NCEH1: variants seen among roughly 807,000 people sequenced by gnomAD.
NCEH1 encodes the protein 2-acetyl MAGE hydrolase.
NCEH1 carries 9 observed loss-of-function variants against 25.4 expected under a neutral mutation model. The observed-to-expected ratio is 0.35, with a 90% confidence interval of 0.21 to 0.62. The LOEUF is 0.62. Ranked by LOEUF, NCEH1 falls within the 20% of genes least tolerant of loss-of-function variation. NCEH1 has a pLI of 0.72. For synonymous variants in NCEH1, 200 were observed against 199.8 expected (o/e 1.00, Z -0.01); for missense variants, 412 against 501.1 (o/e 0.82, Z 1.70).
At chr3:172,682,176 T>C (rs2108521472) in intron 1 of NCEH1, among the ~76,000 whole-genome samples, 1 of 152,316 alleles carries the variant, frequency 6.6e-6, no homozygotes, top group South Asian at 2.1e-4. Context: ...CACTTCAAGT[T>C]CTGAAGAAGG....
rs1716587650 is a variant in NCEH1, at chr3:172,636,097, C to T, written c.438-10G>A. ...TGGAACTAGCCTGTATCTGTAAAAACAAAAGTTGTATTCATTTAAGGCCTT... is the reference window on the plus strand; with the variant it reads ...TGGAACTAGCCTGTATCTGTAAAAATAAAAGTTGTATTCATTTAAGGCCTT... On this transcript the variant is annotated splice_polypyrimidine_tract_variant and intron_variant, in intron 3 of 4. Transcript: ENST00000475381. 6.2e-7 allele frequency: 1 copy of T among 1,607,006 alleles called. No homozygotes were observed. The highest frequency in any genetic ancestry group is 8.5e-7 in the Non-Finnish European group (1 of 1,175,404).
rs540210227 is a variant in NCEH1 at position 172,682,829 on chromosome 3, G to T, written c.138+28018C>A. On this transcript the variant is annotated intron_variant, in intron 1 of 4. Coordinates refer to ENST00000475381, the MANE Select transcript of NCEH1 (RefSeq NM_020792.6). The stretch of plus-strand genomic sequence containing the variant: ...ATGCAGCAAATTCTCTAAAGCAGGT[G>T]CATCCCATGTTGTTATGTAGTTTGA... Among the ~76,000 whole-genome samples, 424 of 152,290 alleles carry T rather than the reference G, an allele frequency of 2.8e-3. 3 individuals carry two copies. Among genetic ancestry groups the T allele is most frequent in the African/African-American group, 9.9e-3 (410 of 41,554 alleles).
chr3:172,668,185 G>C (rs1465867628), intron 1 of NCEH1, among the ~76,000 whole-genome samples: 1 of 152,086 alleles, frequency 6.6e-6, no homozygotes, highest in Non-Finnish European at 1.5e-5. Context: ...GATAATTTCA[G>C]AGATGAGCAA....
intron 1 of NCEH1, among the ~76,000 whole-genome samples, chr3:172,651,332 T>C (rs1717395050): frequency 1.3e-5 from 2 of 152,216 alleles, no homozygotes; most frequent in Admixed American, 1.3e-4. Flanking sequence ...TGCATGTCTA[T>C]ATGATATCAA....
At chr3:172,677,879 G>A (rs1258093900) in intron 1 of NCEH1, among the ~76,000 whole-genome samples, 3 of 152,278 alleles carry the variant, frequency 2.0e-5, no homozygotes, top group African/African-American at 7.2e-5. Flanking sequence ...AGTGAGCTGA[G>A]ATCGTGCCAC....
chr3:172,669,152 A>C lies in NCEH1; in HGVS notation c.139-21038T>G, dbSNP rs1718365418. 2.0e-5 allele frequency among the ~76,000 whole-genome samples: 3 copies of C among 152,184 alleles called. No individual in the cohort carries two copies. In the South Asian group the frequency reaches 6.2e-4, roughly 31 times the overall value. On this transcript the variant is annotated intron_variant, in intron 1 of 4. Coordinates refer to ENST00000475381, the MANE Select transcript of NCEH1 (RefSeq NM_020792.6). ...TCTTTGAGACACTGAATTAACACCA[A>C]CGTTTTGATTCAACTTCTCATTTTG...
At chr3:172,644,145 A>AGTGACTCTAGGGCTTTGGG (rs1560181462) in intron 3 of NCEH1, among the ~76,000 whole-genome samples, 143 of 83,688 alleles carry the variant, frequency 1.7e-3, no homozygotes, top group African/African-American at 4.3e-3. Flanking sequence ...AGGGCTTTTG[A>AGTGACTCTAGGGCTTTGGG]GTGACTCTAG....
chr3:172,698,877 C>G (rs565623713), intron 1 of NCEH1, among the ~76,000 whole-genome samples: 23 of 152,294 alleles, frequency 1.5e-4, no homozygotes, highest in Admixed American at 1.4e-3. Context: ...GCGACAGACG[C>G]GGTAACACAG....
chr3:172,684,652 G>A (rs1455038521), intron 1 of NCEH1, among the ~76,000 whole-genome samples: 1 of 152,178 alleles, frequency 6.6e-6, no homozygotes, highest in East Asian at 1.9e-4. Flanking sequence ...AATCCTAGTA[G>A]TTGGAATTCA....
intron 1 of NCEH1, among the ~76,000 whole-genome samples, chr3:172,665,723 C>T (rs1222852576): frequency 6.6e-6 from 1 of 152,186 alleles, no homozygotes; most frequent in African/African-American, 2.4e-5. Flanking sequence ...GCTGCTGCCT[C>T]GCAGTTTGAT....
At chr3:172,709,321 ATTG>A (rs1714178021) in intron 1 of NCEH1, among the ~76,000 whole-genome samples, 1 of 152,188 alleles carries the variant, frequency 6.6e-6, no homozygotes, top group Non-Finnish European at 1.5e-5. Flanking sequence ...TGTTTAAGTT[ATTG>A]TAGTAGACCA....
intron 1 of NCEH1, among the ~76,000 whole-genome samples, chr3:172,657,736 C>T (rs1717767579): frequency 6.6e-6 from 1 of 152,220 alleles, no homozygotes; most frequent in African/African-American, 2.4e-5. Context: ...CTAAAGTTGG[C>T]ATTCCAGTCT....
chr3:172,647,996 TC>T lies in NCEH1; in HGVS notation c.256del (p.Asp86ThrfsTer20). 6.2e-7 allele frequency: 1 copy of T among 1,614,184 alleles called. No homozygotes were observed. Among genetic ancestry groups the T allele is most frequent in the Non-Finnish European group, 8.5e-7 (1 of 1,180,038 alleles). Reference protein sequence around the residue: ...SSAQVKVTDTDFDGVEVRVFE... With the variant: ...SSAQVKVTDTXFDGVEVRVFE... Reference sequence around the variant, plus strand: ...CACTCTGACTTCCACACCATCAAAGTCTGTGTCGGTCACCTTCACTTGGGCA... The same window carrying T: ...CACTCTGACTTCCACACCATCAAAGTTGTGTCGGTCACCTTCACTTGGGCA... On this transcript the variant is annotated frameshift_variant, in exon 2 of 5. Transcript: ENST00000475381. LOFTEE classifies it high-confidence loss of function.
chr3:172,689,897 TTTTA>T (rs1265927894), intron 1 of NCEH1, among the ~76,000 whole-genome samples: 20 of 145,122 alleles, frequency 1.4e-4, no homozygotes, highest in Non-Finnish European at 2.3e-4. Flanking sequence ...TTTTTTATTA[TTTTA>T]TTTATTTATT....
chr3:172,710,509 G>A (rs959430065), intron 1 of NCEH1, among the ~76,000 whole-genome samples: 2 of 152,250 alleles, frequency 1.3e-5, no homozygotes, highest in African/African-American at 4.8e-5. Context: ...GTGAAGAAGG[G>A]TGGTTTATAA....
At chr3:172,653,767 T>G (rs144322433) in intron 1 of NCEH1, among the ~76,000 whole-genome samples, 7,754 of 84,526 alleles carry the variant, frequency 0.092, 272 homozygotes, top group Admixed American at 0.13. Flanking sequence ...TTTGTTTTTT[T>G]TTTTTTTTGA....
At chr3:172,646,203 T>C (rs1475862386) in intron 2 of NCEH1, among the ~76,000 whole-genome samples, 1 of 152,076 alleles carries the variant, frequency 6.6e-6, no homozygotes, top group Non-Finnish European at 1.5e-5. Context: ...AAATTTTTTT[T>C]AATTAGCCAG....
intron 1 of NCEH1, among the ~76,000 whole-genome samples, chr3:172,693,936 C>G (rs560942383): frequency 6.6e-6 from 1 of 152,194 alleles, no homozygotes; most frequent in South Asian, 2.1e-4. Context: ...CTCACTGTCA[C>G]CCAGGCTGGT....
intron 1 of NCEH1, among the ~76,000 whole-genome samples, chr3:172,680,145 A>C (rs1712257816): frequency 6.6e-6 from 1 of 152,168 alleles, no homozygotes; most frequent in Admixed American, 6.5e-5. Context: ...TACACATTAG[A>C]GTTCAGAAAC....
Sources: gnomAD v4.1 joint callset for allele counts (sites outside exome capture counted in the v4.1 genomes callset) on GRCh38, gnomAD v4.1.1 for gene constraint, MANE v1.5 for transcripts, NCBI Gene and HGNC (gene_info 2026-07-23, HGNC 2026-07-21) for gene names.